Variants in CELF2 observed in about 807,000 individuals in gnomAD.
The protein encoded by CELF2 is CUG triplet repeat RNA-binding protein 2.
Under a neutral mutation model 62.6 loss-of-function variants are expected in CELF2, and 8 were observed. The ratio of observed to expected loss-of-function variants is 0.13; its 90% CI spans 0.07 to 0.23. The LOEUF is 0.23. Among genes scored for constraint, CELF2 ranks in the 10% least tolerant of loss-of-function variants. The probability of loss-of-function intolerance (pLI) is 1.00; values close to 1 mark genes in which losing one functional copy is unlikely to be tolerated. For missense variants in CELF2, 333 were observed against 671.0 expected (o/e 0.50, Z 5.56); for synonymous variants, 258 against 250.0 (o/e 1.03, Z -0.30).
intron 1 of CELF2, among the ~76,000 whole-genome samples, chr10:10,886,523 C>T (rs1454472695): frequency 6.6e-6 from 1 of 152,102 alleles, no homozygotes; most frequent in Non-Finnish European, 1.5e-5. Flanking sequence ...GAACGAGAGC[C>T]TGAACGTGTA....
In CELF2 at chr10:11,276,234, G is replaced by A. The variant is rs117117389; in HGVS notation, c.841+1114G>A. ...GTGGTGTGTGATCGGCAGCCCCGCCGTTGTGGCCCGAGGCTCCTGGAAGCT... is the reference window on the plus strand; with the variant it reads ...GTGGTGTGTGATCGGCAGCCCCGCCATTGTGGCCCGAGGCTCCTGGAAGCT... On this transcript the variant is annotated intron_variant, in intron 8 of 12. Coordinates refer to ENST00000633077, the MANE Select transcript of CELF2 (RefSeq NM_001326342.2). Among the ~76,000 whole-genome samples, 820 of 152,172 alleles carry A rather than the reference G, an allele frequency of 5.4e-3. 19 individuals carry two copies. The East Asian group carries it at 0.08, about 15-fold the overall frequency.
chr10:10,886,061 G>A (rs931889937), intron 1 of CELF2, among the ~76,000 whole-genome samples: 1 of 152,134 alleles, frequency 6.6e-6, no homozygotes, highest in Non-Finnish European at 1.5e-5. Flanking sequence ...TAATCTGGAT[G>A]GGTGGTCTTT....
intron 1 of CELF2, among the ~76,000 whole-genome samples, chr10:11,066,084 A>G (rs887914651): frequency 6.6e-6 from 1 of 152,036 alleles, no homozygotes; most frequent in Non-Finnish European, 1.5e-5. Context: ...AAAAAAGGAG[A>G]TCAGGCCACC....
the CELF2 span, among the ~76,000 whole-genome samples, chr10:10,476,693 T>C: frequency 2.0e-5 from 3 of 152,310 alleles, no homozygotes; most frequent in Admixed American, 2.0e-4. Context: ...TAAATTTATT[T>C]CTTATGGCAT....
chr10:11,283,941 GT>G (rs2139371439), intron 8 of CELF2, among the ~76,000 whole-genome samples: 1 of 145,064 alleles, frequency 6.9e-6, no homozygotes, highest in Non-Finnish European at 1.5e-5. Context: ...TGTGTGGTGG[GT>G]GGATGAGGGA....
chr10:10,528,152 T>A, the CELF2 span, among the ~76,000 whole-genome samples: 57 of 114,788 alleles, frequency 5.0e-4, no homozygotes, highest in Non-Finnish European at 9.9e-4. Context: ...GAAGATAGAT[T>A]CCTGTTTTGT....
chr10:10,935,747 C>G (rs1353192901), intron 2 of CELF2, among the ~76,000 whole-genome samples: 1 of 152,176 alleles, frequency 6.6e-6, no homozygotes, highest in Non-Finnish European at 1.5e-5. Flanking sequence ...TTCTCATAAT[C>G]CAGTGGTTCT....
At chr10:10,830,445 A>G (rs768915182) in intron 1 of CELF2, among the ~76,000 whole-genome samples, 3 of 152,222 alleles carry the variant, frequency 2.0e-5, no homozygotes, top group African/African-American at 4.8e-5. Context: ...CTTAAAAAAT[A>G]TAACATAGTT....
chr10:10,476,129 A>G, the CELF2 span, among the ~76,000 whole-genome samples: 22 of 152,248 alleles, frequency 1.4e-4, no homozygotes, highest in African/African-American at 4.6e-4. Flanking sequence ...CCTCAAACTC[A>G]AGAACATTCT....
At chr10:11,060,950 A>G (rs61830417) in intron 1 of CELF2, among the ~76,000 whole-genome samples, 1,810 of 152,296 alleles carry the variant, frequency 0.012, 13 homozygotes, top group Non-Finnish European at 0.018. Context: ...GGGCTTTTCT[A>G]TACCCCAAAT....
At chr10:11,218,693 G>T (rs944797744) in intron 3 of CELF2, among the ~76,000 whole-genome samples, 9 of 152,214 alleles carry the variant, frequency 5.9e-5, no homozygotes, top group Admixed American at 5.9e-4. Flanking sequence ...GCAAGTGTGT[G>T]GTCCCACAAT....
chr10:10,602,635 A>G, the CELF2 span, among the ~76,000 whole-genome samples: 1 of 152,206 alleles, frequency 6.6e-6, no homozygotes, highest in African/African-American at 2.4e-5. Flanking sequence ...TAAATTTATT[A>G]AACTTTTGGC....
chr10:11,257,336 C>A (rs1026622488), intron 4 of CELF2, among the ~76,000 whole-genome samples: 103 of 114,686 alleles, frequency 9.0e-4, no homozygotes, highest in African/African-American at 1.2e-3. Context: ...AGACCATCTA[C>A]AAAAAAAAAA....
At chr10:10,717,828 C>T in the CELF2 span, among the ~76,000 whole-genome samples, 2 of 152,028 alleles carry the variant, frequency 1.3e-5, no homozygotes, top group Non-Finnish European at 2.9e-5. Flanking sequence ...AAGGAGGGTG[C>T]TATCCTCTAG....
At chr10:10,673,846 AT>A in the CELF2 span, among the ~76,000 whole-genome samples, 62 of 152,158 alleles carry the variant, frequency 4.1e-4, 1 homozygote, top group African/African-American at 1.5e-3. Flanking sequence ...GCTCTCTTTT[AT>A]CATTGATTTC....
At chr10:10,772,657 G>A in the CELF2 span, among the ~76,000 whole-genome samples, 1 of 152,192 alleles carries the variant, frequency 6.6e-6, no homozygotes, top group Non-Finnish European at 1.5e-5. Context: ...AAAGCTGTAG[G>A]TTCACCATTG....
rs2068233225 is a variant in CELF2 at position 11,066,604 on chromosome 10, C to A, written c.74+48441C>A. ...CCCCATGAGCATCCCACTTGTCAGC[C>A]TCAGGCTCTTTAACCGTTCACATAT... On this transcript the variant is annotated intron_variant, in intron 1 of 12. Coordinates refer to ENST00000633077, the MANE Select transcript of CELF2 (RefSeq NM_001326342.2). Among the ~76,000 whole-genome samples, 5 of 152,268 alleles carry A rather than the reference C, an allele frequency of 3.3e-5. No individual in the cohort carries two copies. In the South Asian group the frequency reaches 1.0e-3, roughly 32 times the overall value.
intron 1 of CELF2, among the ~76,000 whole-genome samples, chr10:10,884,268 A>G (rs984753510): frequency 6.6e-6 from 1 of 152,144 alleles, no homozygotes; most frequent in Non-Finnish European, 1.5e-5. Flanking sequence ...GGTTTTCCTA[A>G]ATGAGGGAGC....
chr10:10,763,930 G>A, the CELF2 span, among the ~76,000 whole-genome samples: 1 of 152,242 alleles, frequency 6.6e-6, no homozygotes, highest in Non-Finnish European at 1.5e-5. Context: ...ATTCCAGGAT[G>A]AGAAAGTGCT....
Sources: gnomAD v4.1 joint callset for allele counts (sites outside exome capture counted in the v4.1 genomes callset) on GRCh38, gnomAD v4.1.1 for gene constraint, MANE v1.5 for transcripts, NCBI Gene and HGNC (gene_info 2026-07-23, HGNC 2026-07-21) for gene names.